The following P2RY8 variants were observed in gnomAD, a reference collection of about 807,000 sequenced individuals.
P2RY8 encodes the protein S-geranylgeranyl-glutathione receptor P2RY8.
A neutral mutation model predicts 10.0 loss-of-function variants in P2RY8; 6 were observed. That is an observed-to-expected ratio of 0.60 (90% CI 0.33 to 1.19). The LOEUF (loss-of-function observed/expected upper bound fraction) is 1.19. Among genes scored for constraint, P2RY8 ranks in the 50% most tolerant of loss-of-function variants. The pLI is 0.04. For synonymous variants in P2RY8, 276 were observed against 252.5 expected, an observed-to-expected ratio of 1.09 and a Z score of -0.88; for missense variants, 456 against 542.0, an observed-to-expected ratio of 0.84 and a Z score of 1.58.
Position 1,465,468 on chromosome X carries a change from G to T in P2RY8, c.*11C>A, listed in dbSNP as rs775735525. ...CTGCGCCCCCGGCTCTCCAAGCTGC[G>T]CCCCCGGGACTCAGAACACACTCTC... On this transcript the variant is annotated 3_prime_UTR_variant, in exon 2 of 2. Coordinates refer to ENST00000381297, the MANE Select transcript of P2RY8 (RefSeq NM_178129.5). 1 of 1,586,526 alleles carries T rather than the reference G, an allele frequency of 6.3e-7. No homozygotes were observed. The highest frequency in any genetic ancestry group is 8.6e-7 in the Non-Finnish European group (1 of 1,167,322).
At chrX:1,506,362 G>A in intron 1 of P2RY8, among the ~76,000 whole-genome samples, 1 of 152,188 alleles carries the variant, frequency 6.6e-6, no homozygotes, top group East Asian at 1.9e-4. Context: ...AGGCTAATTG[G>A]GTAGACAAAA....
intron 1 of P2RY8, among the ~76,000 whole-genome samples, chrX:1,510,104 A>G (rs2092288193): frequency 6.6e-6 from 1 of 151,910 alleles, no homozygotes; most frequent in East Asian, 1.9e-4. Context: ...TCTACCACCT[A>G]TCTGTCTCAA....
At chrX:1,517,523 C>G (rs2092360362) in intron 1 of P2RY8, among the ~76,000 whole-genome samples, 1 of 152,112 alleles carries the variant, frequency 6.6e-6, no homozygotes, top group Non-Finnish European at 1.5e-5. Flanking sequence ...TCAGGATGAA[C>G]TGGAAGGTAT....
intron 1 of P2RY8, among the ~76,000 whole-genome samples, chrX:1,534,368 G>A (rs1243349914): frequency 6.6e-6 from 1 of 151,340 alleles, no homozygotes; most frequent in African/African-American, 2.4e-5. Context: ...ATTGTGAACC[G>A]CAGAACACTC....
At chrX:1,497,520 T>C (rs2092129269) in intron 1 of P2RY8, among the ~76,000 whole-genome samples, 1 of 151,500 alleles carries the variant, frequency 6.6e-6, no homozygotes, top group Non-Finnish European at 1.5e-5. Flanking sequence ...TAGCCGGGCA[T>C]GGTGGCGGGT....
In P2RY8 at chrX:1,516,154, A is replaced by G. The variant is rs759106699; in HGVS notation, c.-25+20767T>C. Reference sequence around the variant, plus strand: ...GGAGGTTGCAGTGAGCGGAGGTTGCACCACTGCACTCCAGCCTGGGCAAAA... The same window carrying G: ...GGAGGTTGCAGTGAGCGGAGGTTGCGCCACTGCACTCCAGCCTGGGCAAAA... On this transcript the variant is annotated intron_variant, in intron 1 of 1. Transcript: ENST00000381297. Among the ~76,000 whole-genome samples, 235 of 151,392 alleles carry G rather than the reference A, an allele frequency of 1.6e-3. 3 individuals are homozygous for G. In the South Asian group the frequency reaches 0.024, roughly 15 times the overall value.
chrX:1,474,044 T>TGTAGGTGAGTTTGTGAATGGGTG (rs2091841664), intron 1 of P2RY8, among the ~76,000 whole-genome samples: 1 of 127,228 alleles, frequency 7.9e-6, no homozygotes, highest in African/African-American at 3.0e-5. Flanking sequence ...GGTGGATGAA[T>TGTAGGTGAGTTTGTGAATGGGTG]GGTAGGCGGG....
At chrX:1,534,991 T>C (rs2092513651) in intron 1 of P2RY8, among the ~76,000 whole-genome samples, 1 of 151,802 alleles carries the variant, frequency 6.6e-6, no homozygotes, top group Non-Finnish European at 1.5e-5. Flanking sequence ...CATGTGCTTT[T>C]ACAAACACAG....
intron 1 of P2RY8, among the ~76,000 whole-genome samples, chrX:1,484,724 TAA>T (rs1171758279): frequency 1.8e-4 from 3 of 16,792 alleles, no homozygotes; most frequent in Non-Finnish European, 2.2e-4. Flanking sequence ...CAAAACCCTG[TAA>T]AAAAAAAAAA....
rs1461453906 is a variant in P2RY8 at position 1,536,961 on chromosome X, G to C, written c.-65C>G. 7 of 230,702 alleles carry C rather than the reference G, an allele frequency of 3.0e-5. No homozygotes were observed. The highest frequency in any genetic ancestry group is 6.1e-5 in the East Asian group (1 of 16,324). 14.3% of individuals were successfully genotyped at this position (230,702 alleles called of 1,614,324 possible). On this transcript the variant is annotated 5_prime_UTR_variant, in exon 1 of 2. Transcript: ENST00000381297. ...GGCAGAAGTAGCAGGTGAGAGCTCAGAGGGTCTCCAGGTAACAGGATGCAA... is the reference window on the plus strand; with the variant it reads ...GGCAGAAGTAGCAGGTGAGAGCTCACAGGGTCTCCAGGTAACAGGATGCAA...
intron 1 of P2RY8, among the ~76,000 whole-genome samples, chrX:1,467,445 G>T (rs2091702756): frequency 6.6e-6 from 1 of 152,202 alleles, no homozygotes; most frequent in Non-Finnish European, 1.5e-5. Flanking sequence ...GCACGAGTCA[G>T]CACCGCTCCC....
At position 1,466,591 on chromosome X, in the gene P2RY8, G is replaced by C. The variant is rs2091681025; in HGVS notation, c.-24-9C>G. 6.9e-6 allele frequency: 11 copies of C among 1,582,842 alleles called. No homozygotes were observed. Among genetic ancestry groups the C allele is most frequent in the Non-Finnish European group, 9.4e-6 (11 of 1,168,806 alleles). On this transcript the variant is annotated splice_polypyrimidine_tract_variant and intron_variant, in intron 1 of 1. Transcript: ENST00000381297. ...GGGTCCTCGCCCGGGCTCTGCAAGG[G>C]AAGGAGGGAAGGGTGTACGGGTCAG... is the stretch of plus-strand genomic sequence containing the variant.
intron 1 of P2RY8, among the ~76,000 whole-genome samples, chrX:1,507,945 C>T (rs1236347772): frequency 7.8e-6 from 1 of 127,610 alleles, no homozygotes; most frequent in African/African-American, 2.5e-5. Flanking sequence ...TGCAGCCGGG[C>T]GGGACCAGGC....
chrX:1,504,450 G>A (rs2092211574), intron 1 of P2RY8, among the ~76,000 whole-genome samples: 1 of 152,182 alleles, frequency 6.6e-6, no homozygotes, highest in Non-Finnish European at 1.5e-5. Context: ...TCCACCTCAT[G>A]ACAGCAAAAC....
chrX:1,480,473 G>A (rs376555730), intron 1 of P2RY8, among the ~76,000 whole-genome samples: 6 of 150,236 alleles, frequency 4.0e-5, no homozygotes, highest in South Asian at 2.1e-4. Context: ...CTGCAGCCTC[G>A]AACTCCTGGC....
At chrX:1,515,144 C>A (rs763047368) in intron 1 of P2RY8, among the ~76,000 whole-genome samples, 2 of 150,652 alleles carry the variant, frequency 1.3e-5, no homozygotes, top group South Asian at 4.2e-4. Context: ...CTCCTAACCT[C>A]AAACAATCCA....
chrX:1,476,502 G>T (rs772254913), intron 1 of P2RY8, among the ~76,000 whole-genome samples: 2 of 151,432 alleles, frequency 1.3e-5, no homozygotes, highest in Admixed American at 1.3e-4. Context: ...CAGGAGAATG[G>T]CATGAACCCC....
chrX:1,465,774 A>G lies in P2RY8; in HGVS notation c.785T>C (p.Val262Ala). 2 of 1,613,558 alleles carry G rather than the reference A, an allele frequency of 1.2e-6. No homozygotes were observed. The highest frequency in any genetic ancestry group is 1.7e-6 in the Non-Finnish European group (2 of 1,179,836). Reference protein sequence around the residue: ...PNNFVLLAHIVSRLFYGKSYY... With the variant: ...PNNFVLLAHIASRLFYGKSYY... ...GCTCTTGCCGTAGAACAGGCGGCTC[A>G]CGATGTGCGCCAGGAGCACGAAGTT... The change falls in exon 2 of 2, where the codon GTG (valine) becomes GCG (alanine). Residue 262 changes from valine (V) to alanine (A), a missense_variant. Transcript: ENST00000381297.
At chrX:1,479,934 GAAGA>G (rs1310613390) in intron 1 of P2RY8, among the ~76,000 whole-genome samples, 1 of 152,124 alleles carries the variant, frequency 6.6e-6, no homozygotes, top group Non-Finnish European at 1.5e-5. Flanking sequence ...ACTCACACAA[GAAGA>G]AACAGCCAAT....
Sources: allele counts gnomAD v4.1 joint callset (sites outside exome capture counted in the v4.1 genomes callset), GRCh38; gene constraint gnomAD v4.1.1; transcripts MANE v1.5; gene names NCBI Gene and HGNC (gene_info 2026-07-23, HGNC 2026-07-21).